Variants in CGGBP1 observed in about 807,000 individuals in gnomAD.
CGGBP1 encodes the protein CGG triplet repeat binding protein 1, also known as CGG triplet repeat-binding protein 1.
CGGBP1 carries 4 observed loss-of-function variants against 11.4 expected under a neutral mutation model. That is an observed-to-expected ratio of 0.35 (90% confidence interval 0.17 to 0.80). The LOEUF is 0.80. Ranked by LOEUF, CGGBP1 falls within the 30% of genes least tolerant of loss-of-function variation. The probability of loss-of-function intolerance (pLI) is 0.52; values close to 1 mark genes in which losing one functional copy is unlikely to be tolerated. For missense variants in CGGBP1, 135 were observed against 202.1 expected, an observed-to-expected ratio of 0.67 and a Z score of 2.01; for synonymous variants, 76 against 74.1, an observed-to-expected ratio of 1.03 and a Z score of -0.13.
rs189467984 is a variant in CGGBP1, at chr3:88,141,546, C to T, written c.-337-468G>A. 2.3e-3 allele frequency: 1,951 copies of T among 843,348 alleles called. 10 individuals are homozygous for T. Among genetic ancestry groups the T allele is most frequent in the Non-Finnish European group, 3.2e-3 (1,846 of 571,958 alleles). 52.2% of individuals were successfully genotyped at this position (843,348 alleles called of 1,614,324 possible). ...CTTGTCTGTCTACTAATATCAATAT[C>T]CTTTAAAATGACAGGGTATAAATTA... is the stretch of plus-strand genomic sequence containing the variant. On this transcript the variant is annotated intron_variant, in intron 1 of 3. Transcript: ENST00000462901.
intron 2 of CGGBP1, among the ~76,000 whole-genome samples, chr3:88,119,372 CTG>C (rs1330089015): frequency 8.5e-4 from 42 of 49,672 alleles, no homozygotes; most frequent in African/African-American, 2.4e-3. Flanking sequence ...ACATCACACT[CTG>C]GGGACTGTTG....
At chr3:88,061,261 C>T (rs370629417), upstream of CGGBP1, among the ~76,000 whole-genome samples, 2 of 152,016 alleles carry the variant, frequency 1.3e-5, no homozygotes, top group South Asian at 4.1e-4. Context: ...TATCAACAAC[C>T]AGCTACTAAA....
At chr3:88,072,955 T>A (rs1272313046) in intron 2 of CGGBP1, among the ~76,000 whole-genome samples, 2 of 117,236 alleles carry the variant, frequency 1.7e-5, no homozygotes. Context: ...AGGATTTGAC[T>A]TGACTCTTAA....
intron 2 of CGGBP1, among the ~76,000 whole-genome samples, chr3:88,099,315 C>T (rs1206440563): frequency 6.6e-6 from 1 of 151,888 alleles, no homozygotes; most frequent in Admixed American, 6.6e-5. Context: ...CAAATCACTG[C>T]TCAACAAAAG....
At chr3:88,119,572 T>C (rs1401808229) in intron 2 of CGGBP1, among the ~76,000 whole-genome samples, 1 of 151,996 alleles carries the variant, frequency 6.6e-6, no homozygotes, top group Non-Finnish European at 1.5e-5. Context: ...ACAATAATTA[T>C]TGGAGACTAA....
intron 2 of CGGBP1, among the ~76,000 whole-genome samples, chr3:88,099,508 C>T (rs995934423): frequency 1.3e-5 from 2 of 151,994 alleles, no homozygotes; most frequent in East Asian, 1.9e-4. Flanking sequence ...AAAAAGAGCC[C>T]GCATTGCCAA....
chr3:88,066,453 A>T (rs1311938683), intron 2 of CGGBP1, among the ~76,000 whole-genome samples: 1 of 152,174 alleles, frequency 6.6e-6, no homozygotes, highest in Non-Finnish European at 1.5e-5. Context: ...ACACACCTGT[A>T]GTCCCAGCTA....
At chr3:88,091,500 T>A (rs1184573752) in intron 2 of CGGBP1, among the ~76,000 whole-genome samples, 2 of 152,212 alleles carry the variant, frequency 1.3e-5, no homozygotes, top group Non-Finnish European at 2.9e-5. Context: ...AACTTTAGTG[T>A]TATGTGAAAA....
chr3:88,119,005 T>TA (rs1705588247), intron 2 of CGGBP1, among the ~76,000 whole-genome samples: 1 of 149,464 alleles, frequency 6.7e-6, no homozygotes, highest in Non-Finnish European at 1.5e-5. Flanking sequence ...GAACTGGAAA[T>TA]ACCATTTGAC....
At chr3:88,079,435 ATGTTT>A (rs1216398219) in intron 2 of CGGBP1, among the ~76,000 whole-genome samples, 1 of 152,090 alleles carries the variant, frequency 6.6e-6, no homozygotes, top group African/African-American at 2.4e-5. Context: ...GGGACATTGC[ATGTTT>A]TGTTTATATA....
At chr3:88,087,135 G>GCC (rs1315382369) in intron 2 of CGGBP1, among the ~76,000 whole-genome samples, 6 of 151,934 alleles carry the variant, frequency 3.9e-5, no homozygotes, top group African/African-American at 1.5e-4. Context: ...CCGGAGTGCA[G>GCC]TGGTGTGATC....
At chr3:88,117,967 AC>A (rs1705515935) in intron 2 of CGGBP1, among the ~76,000 whole-genome samples, 1 of 151,892 alleles carries the variant, frequency 6.6e-6, no homozygotes, top group Non-Finnish European at 1.5e-5. Flanking sequence ...ACAACCAAGA[AC>A]ATTTACTACT....
intron 1 of CGGBP1, among the ~76,000 whole-genome samples, chr3:88,144,955 A>T (rs1199141758): frequency 1.3e-5 from 2 of 152,030 alleles, no homozygotes; most frequent in Non-Finnish European, 2.9e-5. Flanking sequence ...TCAGTGTGAT[A>T]TAGTACGTTC....
intron 2 of CGGBP1, among the ~76,000 whole-genome samples, chr3:88,074,610 G>A (rs1222185380): frequency 1.3e-5 from 2 of 152,026 alleles, no homozygotes; most frequent in African/African-American, 4.8e-5. Flanking sequence ...CCAAAGTGCT[G>A]GATTATAAGC....
At chr3:88,059,609 C>T (rs1301167249), upstream of CGGBP1, 48 of 1,399,184 alleles carry the variant, frequency 3.4e-5, no homozygotes, top group South Asian at 9.3e-5. Flanking sequence ...AGTGCCCGCT[C>T]CTCCCCAACA....
chr3:88,123,231 A>G (rs1705888386), intron 2 of CGGBP1, among the ~76,000 whole-genome samples: 1 of 152,160 alleles, frequency 6.6e-6, no homozygotes, highest in Non-Finnish European at 1.5e-5. Flanking sequence ...GTCTTTTTAA[A>G]TAGACCAAAA....
At chr3:88,125,109 G>T (rs1204939215) in intron 2 of CGGBP1, among the ~76,000 whole-genome samples, 2 of 151,838 alleles carry the variant, frequency 1.3e-5, no homozygotes, top group Non-Finnish European at 2.9e-5. Flanking sequence ...CAGCTACTTG[G>T]GAGGCTGAGG....
intron 2 of CGGBP1, among the ~76,000 whole-genome samples, chr3:88,065,853 C>T (rs541741358): frequency 9.8e-4 from 149 of 152,254 alleles, no homozygotes; most frequent in African/African-American, 3.5e-3. Flanking sequence ...CATCAGCCCC[C>T]ACCCCCAGTA....
At chr3:88,105,589 G>A (rs1704686571) in intron 2 of CGGBP1, among the ~76,000 whole-genome samples, 1 of 152,102 alleles carries the variant, frequency 6.6e-6, no homozygotes, top group Non-Finnish European at 1.5e-5. Context: ...TGCTAAATAT[G>A]CCCAGTGTTC....
Sources: allele counts gnomAD v4.1 joint callset (sites outside exome capture counted in the v4.1 genomes callset), GRCh38; gene constraint gnomAD v4.1.1; transcripts MANE v1.5; gene names NCBI Gene and HGNC (gene_info 2026-07-23, HGNC 2026-07-21).